Variants in UBR4 observed in about 807,000 individuals in gnomAD.
UBR4 encodes the protein E3 ubiquitin-protein ligase UBR4.
A neutral mutation model predicts 575.6 loss-of-function variants in UBR4; 124 were observed. The observed-to-expected ratio is 0.22, with a 90% CI of 0.19 to 0.25. The LOEUF is 0.25. UBR4 is among the 10% of genes least tolerant of loss of function. The probability of loss-of-function intolerance (pLI) is 1.00; values close to 1 mark genes in which losing one functional copy is unlikely to be tolerated. For missense variants in UBR4, 4,818 were observed against 6,478.8 expected (o/e 0.74, Z 8.80); for synonymous variants, 2,455 against 2,473.7 (o/e 0.99, Z 0.22).
chr1:19,171,971 T>A (rs943445295), intron 25 of UBR4, among the ~76,000 whole-genome samples: 14 of 152,172 alleles, frequency 9.2e-5, no homozygotes, highest in Non-Finnish European at 4.4e-5. Context: ...CTCCAGTCTG[T>A]TACTGTTGTT....
At chr1:19,177,881 T>G in intron 18 of UBR4, 138 bp from the exon 19 acceptor site, 3 of 1,106,518 alleles carry the variant, frequency 2.7e-6, no homozygotes, top group Non-Finnish European at 3.8e-6. Context: ...AAAGGCTACA[T>G]GGTAAAGACA....
At chr1:19,143,259 G>GAAGAAAGAAAGAAAGA (rs200550539) in intron 55 of UBR4, among the ~76,000 whole-genome samples, 188 of 91,608 alleles carry the variant, frequency 2.1e-3, no homozygotes, top group Non-Finnish European at 2.8e-3. Flanking sequence ...AGGAAGGAAG[G>GAAGAAAGAAAGAAAGA]AAGAAAGAAA....
chr1:19,101,692 G>A (rs1570473501), intron 87 of UBR4, 51 bp from the exon 88 acceptor site: 4 of 1,564,982 alleles, frequency 2.6e-6, no homozygotes, highest in Admixed American at 1.7e-5. Flanking sequence ...CCCATGGAAG[G>A]TGAAATGAGA....
At chr1:19,126,902 C>T (rs1425872789) in intron 63 of UBR4, among the ~76,000 whole-genome samples, 1 of 152,208 alleles carries the variant, frequency 6.6e-6, no homozygotes, top group African/African-American at 2.4e-5. Flanking sequence ...TTGCTACACG[C>T]ACATATGCCA....
rs145984110 is a variant in UBR4 at position 19,141,447 on chromosome 1, G to A, written c.8388C>T (p.Gly2796=). 235 of 1,614,186 alleles carry A rather than the reference G, an allele frequency of 1.5e-4. No individual in the cohort carries two copies. The highest frequency in any genetic ancestry group is 3.5e-4 in the African/African-American group (26 of 75,056). ...NPSPLEALLA[G]AEGFPPMLDI... ...CCAGCATGGGGGGGAAGCCCTCTGCGCCTGCCAGCAGGGCCTCCAGGGGAG... is the reference window on the plus strand; with the variant it reads ...CCAGCATGGGGGGGAAGCCCTCTGCACCTGCCAGCAGGGCCTCCAGGGGAG... Residue 2796 remains glycine (G), a synonymous_variant, in exon 57 of 106, where the codon GGC becomes GGT. Transcript: ENST00000375254.
At position 19,093,863 on chromosome 1, in the gene UBR4, TC is replaced by T. The variant is rs2077767607; in HGVS notation, c.13937+85del. 6.9e-7 allele frequency: 1 copy of T among 1,440,068 alleles called. No individual in the cohort carries two copies. Among genetic ancestry groups the T allele is most frequent in the African/African-American group, 1.4e-5 (1 of 70,322 alleles). 89.2% of individuals were successfully genotyped at this position (1,440,068 alleles called of 1,614,324 possible). A position where few individuals can be genotyped will look rare whatever the true frequency, so the allele number is the denominator to read the frequency against. Reference sequence around the variant, plus strand: ...GAGGACACAAAAATCTAATAGGTATTCAGAGGATTCTTCCTCATCTCACAGA... The same window carrying T: ...GAGGACACAAAAATCTAATAGGTATTAGAGGATTCTTCCTCATCTCACAGA... On this transcript the variant is annotated intron_variant, in intron 95 of 105. Coordinates refer to ENST00000375254, the MANE Select transcript of UBR4 (RefSeq NM_020765.3). This position sits in a 1 kb window ranked among gnomAD's most constrained non-coding sequence, Gnocchi z 4.8.
rs762874907 is a variant in UBR4 at position 19,152,391 on chromosome 1, G to A, written c.6918C>T (p.Asn2306=). ...QQLTDVEFGG[N]DLLQVYNAQQ... is the part of the protein sequence containing the mutation. Reference sequence around the variant, plus strand: ...GTGCATTATAGACCTGTAGGAGGTCGTTACCACCAAACTCCACATCTGTCA... The same window carrying A: ...GTGCATTATAGACCTGTAGGAGGTCATTACCACCAAACTCCACATCTGTCA... Residue 2306 remains asparagine (N), a synonymous_variant, in exon 47 of 106, where the codon AAC becomes AAT. Transcript: ENST00000375254. This position sits in a 1 kb window ranked among gnomAD's most constrained non-coding sequence, Gnocchi z 4.4. 2.1e-5 allele frequency: 34 copies of A among 1,613,752 alleles called. No homozygotes were observed. Among genetic ancestry groups the A allele is most frequent in the South Asian group, 6.6e-5 (6 of 91,072 alleles).
rs1385618709 is a variant in UBR4 at position 19,165,188 on chromosome 1, T to C, written c.4312+61A>G. The C allele has an allele frequency of 1.1e-5, 16 of 1,516,488 alleles. No homozygotes were observed. In the East Asian group the frequency reaches 1.8e-4, roughly 17 times the overall value. 93.9% of individuals were successfully genotyped at this position (1,516,488 alleles called of 1,614,324 possible). A position where few individuals can be genotyped will look rare whatever the true frequency, so the allele number is the denominator to read the frequency against. On this transcript the variant is annotated intron_variant, in intron 31 of 105. Coordinates refer to ENST00000375254, the MANE Select transcript of UBR4 (RefSeq NM_020765.3). ...TGTAGTTAAACTCAGGCAGAAGATA[T>C]GCACAGTATTAGCCGGACATCAAAG... is the stretch of plus-strand genomic sequence containing the variant.
rs1184409143 is a variant in UBR4, at chr1:19,110,811, T to C, written c.11823A>G (p.Gln3941=). Reference sequence around the variant, plus strand: ...TGCCAATAATCAGGTCATTCATCTGTTGGGTGGCTTCTGGGTTGTCTCTGC... The same window carrying C: ...TGCCAATAATCAGGTCATTCATCTGCTGGGTGGCTTCTGGGTTGTCTCTGC... ...LLTRDNPEAT[Q]QMNDLIIGKV... Residue 3941 remains glutamine, a synonymous_variant, in exon 79 of 106, where the codon CAA becomes CAG. Coordinates refer to ENST00000375254, the MANE Select transcript of UBR4 (RefSeq NM_020765.3). This position sits in a 1 kb window ranked among gnomAD's most constrained non-coding sequence, Gnocchi z 4.5. The C allele has an allele frequency of 3.7e-6, 6 of 1,614,032 alleles. No individual in the cohort carries two copies. The highest frequency in any genetic ancestry group is 1.3e-5 in the African/African-American group (1 of 74,918).
chr1:19,169,195 C>T lies in UBR4; in HGVS notation c.3741+240G>A, dbSNP rs531884168. Among the ~76,000 whole-genome samples the T allele has an allele frequency of 1.4e-4, 22 of 152,250 alleles. No individual in the cohort carries two copies. In the South Asian group the frequency reaches 4.1e-3, roughly 29 times the overall value. ...GCCCAATATTCAATTGGTGAAGAAA[C>T]TGAGGCTCAAATAAATAAAATGGTT... On this transcript the variant is annotated intron_variant, in intron 27 of 105. Transcript: ENST00000375254.
At chr1:19,149,692 C>T in intron 49 of UBR4, 1 of 1,232,454 alleles carries the variant, frequency 8.1e-7, no homozygotes, top group Admixed American at 2.9e-5. Context: ...CAATGCAAAG[C>T]CACACCATTG....
rs368247628 is a variant in UBR4 at position 19,110,319 on chromosome 1, A to C, written c.11977+61T>G. The C allele has an allele frequency of 6.2e-7, 1 of 1,613,002 alleles. No homozygotes were observed. The highest frequency in any genetic ancestry group is 8.5e-7 in the Non-Finnish European group (1 of 1,179,224). On this transcript the variant is annotated intron_variant, in intron 80 of 105. Coordinates refer to ENST00000375254, the MANE Select transcript of UBR4 (RefSeq NM_020765.3). This position sits in a 1 kb window ranked among gnomAD's most constrained non-coding sequence, Gnocchi z 4.5. ...GCATCAGTTTCCCTCCTCCCCTCCC[A>C]GTCCGGCCAGGACTGCTCCTTTGAG...
chr1:19,124,797 G>C (rs910278906), intron 64 of UBR4, 107 bp from the exon 65 acceptor site: 4 of 1,444,096 alleles, frequency 2.8e-6, no homozygotes, highest in Non-Finnish European at 3.7e-6. Flanking sequence ...AGGTGGTAAA[G>C]GGTGCCTTTC....
Position 19,110,358 on chromosome 1 carries a change from C to T in UBR4, c.11977+22G>A, listed in dbSNP as rs774092819. The stretch of plus-strand genomic sequence containing the variant: ...TGCTCCTTTGAGCCTCCTTTCCTTT[C>T]TCTGAAAATCCCCTAACTCACCACA... On this transcript the variant is annotated intron_variant, in intron 80 of 105. Coordinates refer to ENST00000375254, the MANE Select transcript of UBR4 (RefSeq NM_020765.3). The surrounding 1 kb of genome is among the most constrained non-coding windows in gnomAD (Gnocchi z 4.5). 6.2e-7 allele frequency: 1 copy of T among 1,613,978 alleles called. No homozygotes were observed. Among genetic ancestry groups the T allele is most frequent in the Non-Finnish European group, 8.5e-7 (1 of 1,179,916 alleles).
At chr1:19,138,224 C>A in intron 59 of UBR4, 43 bp from the exon 60 acceptor site, 1 of 1,457,290 alleles carries the variant, frequency 6.9e-7, no homozygotes, top group South Asian at 1.5e-5. Context: ...ACTCCCAAAG[C>A]ATGAAGGAAC....
intron 90 of UBR4, among the ~76,000 whole-genome samples, chr1:19,098,022 C>T (rs895380295): frequency 2.0e-5 from 3 of 152,122 alleles, no homozygotes; most frequent in Admixed American, 6.6e-5. Context: ...TAATATTATT[C>T]TCATTTTGCA....
chr1:19,086,563 C>A, intron 100 of UBR4, 116 bp downstream of exon 100: 2 of 1,437,502 alleles, frequency 1.4e-6, no homozygotes, highest in Non-Finnish European at 1.9e-6. Flanking sequence ...AGGCAGAACA[C>A]CCTACTCTCC....
intron 1 of UBR4, among the ~76,000 whole-genome samples, chr1:19,206,737 A>T (rs960933766): frequency 5.9e-5 from 9 of 152,188 alleles, no homozygotes; most frequent in Admixed American, 1.3e-4. Context: ...CCTTTAAATA[A>T]ATTCAGATAT....
intron 10 of UBR4, 30 bp downstream of exon 10, chr1:19,192,451 G>C (rs1181632455): frequency 4.3e-6 from 7 of 1,614,170 alleles, no homozygotes; most frequent in Non-Finnish European, 5.1e-6. Context: ...AAGATAGGAA[G>C]TATGCAGCAG....
Sources: allele counts gnomAD v4.1 joint callset (sites outside exome capture counted in the v4.1 genomes callset), GRCh38; gene constraint gnomAD v4.1.1; non-coding constraint Gnocchi (gnomAD v3.1); transcripts MANE v1.5; gene names NCBI Gene and HGNC (gene_info 2026-07-23, HGNC 2026-07-21).